TLK2: variants seen among roughly 807,000 people sequenced by gnomAD.
TLK2 encodes the protein tousled like kinase 2.
A neutral mutation model predicts 117.3 loss-of-function variants in TLK2; 6 were observed. The observed-to-expected ratio is 0.05, with a 90% confidence interval of 0.03 to 0.10. TLK2 has a LOEUF of 0.10. TLK2 is among the 10% of genes least tolerant of loss of function. The pLI is 1.00. For synonymous variants in TLK2, 257 were observed against 316.7 expected (o/e 0.81, Z 2.00); for missense variants, 299 against 901.2 (o/e 0.33, Z 8.56).
At chr17:62,541,626 A>G (rs1317277298) in intron 7 of TLK2, among the ~76,000 whole-genome samples, 1 of 152,252 alleles carries the variant, frequency 6.6e-6, no homozygotes, top group Non-Finnish European at 1.5e-5. Flanking sequence ...TATTTTTAAG[A>G]GAGAGGTCTC....
At chr17:62,561,743 G>A (rs1361750736) in intron 10 of TLK2, among the ~76,000 whole-genome samples, 1 of 152,106 alleles carries the variant, frequency 6.6e-6, no homozygotes, top group Non-Finnish European at 1.5e-5. Flanking sequence ...TTATAGAAAA[G>A]AAACCACTTT....
chr17:62,549,398 C>CAAAAAAAAAA (rs777779302), intron 7 of TLK2, among the ~76,000 whole-genome samples: 3 of 37,102 alleles, frequency 8.1e-5, no homozygotes, highest in African/African-American at 3.1e-4. Flanking sequence ...GACTCCATCT[C>CAAAAAAAAAA]AAAAAAAAAA....
intron 2 of TLK2, among the ~76,000 whole-genome samples, chr17:62,491,463 GT>G (rs1360847315): frequency 6.6e-6 from 1 of 152,066 alleles, no homozygotes; most frequent in Non-Finnish European, 1.5e-5. Flanking sequence ...CCTTGTCTGG[GT>G]CTTAAATTGT....
chr17:62,514,480 A>G (rs2075402911), intron 2 of TLK2, among the ~76,000 whole-genome samples: 2 of 151,950 alleles, frequency 1.3e-5, no homozygotes, highest in South Asian at 2.1e-4. Flanking sequence ...GATAAACTCA[A>G]TAGTCATTCC....
At chr17:62,531,564 C>T (rs1321211685) in intron 6 of TLK2, among the ~76,000 whole-genome samples, 1 of 151,532 alleles carries the variant, frequency 6.6e-6, no homozygotes, top group African/African-American at 2.4e-5. Flanking sequence ...GGCTTTATTT[C>T]TTTTATGCTT....
intron 7 of TLK2, among the ~76,000 whole-genome samples, chr17:62,546,360 TACA>T (rs1567891470): frequency 2.0e-3 from 200 of 98,712 alleles, no homozygotes; most frequent in East Asian, 5.2e-3. Flanking sequence ...TTTTTTTTTT[TACA>T]TAATGAAAAG....
At chr17:62,557,976 C>G (rs2078982537) in intron 9 of TLK2, among the ~76,000 whole-genome samples, 1 of 152,120 alleles carries the variant, frequency 6.6e-6, no homozygotes, top group African/African-American at 2.4e-5. Context: ...AAGGAAGACA[C>G]AGAGGGCAGC....
intron 2 of TLK2, among the ~76,000 whole-genome samples, chr17:62,503,048 T>A (rs2145032866): frequency 6.8e-6 from 1 of 147,530 alleles, no homozygotes; most frequent in South Asian, 2.1e-4. Flanking sequence ...CGGCTTTGGC[T>A]TAACTTTTTT....
At chr17:62,512,836 T>G (rs943241406) in intron 2 of TLK2, among the ~76,000 whole-genome samples, 3 of 146,276 alleles carry the variant, frequency 2.1e-5, no homozygotes, top group African/African-American at 7.4e-5. Context: ...ATCTATTTTG[T>G]TTTTTTCTCT....
intron 19 of TLK2, among the ~76,000 whole-genome samples, chr17:62,603,679 T>G (rs1362207581): frequency 6.6e-6 from 1 of 152,132 alleles, no homozygotes; most frequent in African/African-American, 2.4e-5. Flanking sequence ...TGGTGGAGAT[T>G]GGCCACATGT....
chr17:62,498,941 C>T (rs1384060332), intron 2 of TLK2, among the ~76,000 whole-genome samples: 1 of 152,146 alleles, frequency 6.6e-6, no homozygotes, highest in Non-Finnish European at 1.5e-5. Flanking sequence ...TGGCTCTCTG[C>T]AGCCTCAACC....
intron 2 of TLK2, among the ~76,000 whole-genome samples, chr17:62,482,260 C>G (rs1387304531): frequency 1.7e-4 from 26 of 151,958 alleles, no homozygotes; most frequent in Admixed American, 1.7e-3. Flanking sequence ...AGCTTTTGAT[C>G]TTTAACCAGT....
chr17:62,548,684 A>T (rs1385306289), intron 7 of TLK2, among the ~76,000 whole-genome samples: 1 of 152,120 alleles, frequency 6.6e-6, no homozygotes, highest in African/African-American at 2.4e-5. Context: ...TTAAACCAAT[A>T]TACCATATAT....
intron 6 of TLK2, among the ~76,000 whole-genome samples, chr17:62,532,735 GTTTA>G (rs1321840205): frequency 6.6e-6 from 1 of 152,044 alleles, no homozygotes; most frequent in African/African-American, 2.4e-5. Flanking sequence ...CATTGTATTA[GTTTA>G]TTTAACCAGT....
intron 2 of TLK2, among the ~76,000 whole-genome samples, chr17:62,499,707 C>G (rs1382011216): frequency 4.0e-5 from 6 of 151,490 alleles, no homozygotes; most frequent in Non-Finnish European, 8.8e-5. Flanking sequence ...AAAAATTAGC[C>G]GGGCATGGTG....
chr17:62,537,672 T>C (rs997457200), intron 7 of TLK2, among the ~76,000 whole-genome samples: 9 of 152,312 alleles, frequency 5.9e-5, no homozygotes, highest in African/African-American at 2.2e-4. Context: ...CACTCTGTAC[T>C]GGAATAAACA....
chr17:62,595,560 C>A (rs2082414538), intron 16 of TLK2, among the ~76,000 whole-genome samples: 2 of 139,428 alleles, frequency 1.4e-5, no homozygotes, highest in African/African-American at 5.3e-5. Flanking sequence ...CTCTGTTGTA[C>A]TTTTTTTTTT....
chr17:62,536,659 T>TA (rs2077132513), intron 7 of TLK2, among the ~76,000 whole-genome samples: 1 of 151,952 alleles, frequency 6.6e-6, no homozygotes, highest in Non-Finnish European at 1.5e-5. Context: ...GTAACCAAGA[T>TA]ATAATTAAAA....
chr17:62,498,521 C>T (rs970377249), intron 2 of TLK2, among the ~76,000 whole-genome samples: 4 of 151,720 alleles, frequency 2.6e-5, no homozygotes, highest in African/African-American at 9.7e-5. Flanking sequence ...TCCCAAATAG[C>T]TGGGATTACA....
Sources: allele counts gnomAD v4.1 joint callset (sites outside exome capture counted in the v4.1 genomes callset), GRCh38; gene constraint gnomAD v4.1.1; transcripts MANE v1.5; gene names NCBI Gene and HGNC (gene_info 2026-07-23, HGNC 2026-07-21).